KCNB2: variants seen among roughly 807,000 people sequenced by gnomAD.
The protein encoded by KCNB2 is delayed rectifier potassium channel protein.
KCNB2 carries 15 observed loss-of-function variants against 61.5 expected under a neutral mutation model. The observed-to-expected ratio is 0.24, with a 90% CI of 0.16 to 0.38. The LOEUF (loss-of-function observed/expected upper bound fraction) is 0.38. KCNB2 is among the 10% of genes least tolerant of loss of function. The pLI is 1.00. For missense variants in KCNB2, 828 were observed against 1,125.2 expected, an observed-to-expected ratio of 0.74 and a Z score of 3.78; for synonymous variants, 457 against 446.0, an observed-to-expected ratio of 1.02 and a Z score of -0.31.
At chr8:72,624,756 A>G (rs1805763725) in intron 2 of KCNB2, among the ~76,000 whole-genome samples, 1 of 152,164 alleles carries the variant, frequency 6.6e-6, no homozygotes, top group Admixed American at 6.5e-5. Flanking sequence ...GACTTCCTTA[A>G]AAACAACAGA....
At chr8:72,907,280 C>A (rs1208688605) in intron 2 of KCNB2, among the ~76,000 whole-genome samples, 2 of 152,030 alleles carry the variant, frequency 1.3e-5, no homozygotes, top group Non-Finnish European at 2.9e-5. Flanking sequence ...TCACTTGAAC[C>A]CAGGAAGCAG....
chr8:72,873,282 T>A (rs181020122), intron 2 of KCNB2, among the ~76,000 whole-genome samples: 20 of 152,224 alleles, frequency 1.3e-4, no homozygotes, highest in Non-Finnish European at 2.8e-4. Context: ...GGCTGCTTCA[T>A]TGGTGAACGG....
intron 2 of KCNB2, among the ~76,000 whole-genome samples, chr8:72,640,110 T>G (rs1806032528): frequency 6.6e-6 from 1 of 152,036 alleles, no homozygotes. Flanking sequence ...AAGAGGCTTT[T>G]TGGCCTTGTT....
chr8:72,884,642 C>CTTTATA (rs758694939), intron 2 of KCNB2, among the ~76,000 whole-genome samples: 15 of 152,220 alleles, frequency 9.9e-5, no homozygotes, highest in Non-Finnish European at 1.8e-4. Context: ...GGAAATAGGG[C>CTTTATA]TTTATAATTT....
intron 2 of KCNB2, among the ~76,000 whole-genome samples, chr8:72,906,461 C>A (rs1806179463): frequency 6.6e-6 from 1 of 152,134 alleles, no homozygotes; most frequent in Admixed American, 6.5e-5. Flanking sequence ...ATTTCCATTT[C>A]TTTTACAACC....
chr8:72,618,585 T>A (rs1805657379), intron 2 of KCNB2: 1 of 152,438 alleles, frequency 6.6e-6, no homozygotes, highest in Admixed American at 6.5e-5. Flanking sequence ...AAACCATGAT[T>A]TGATCAATTA....
chr8:72,847,616 T>G (rs1284791677), intron 2 of KCNB2, among the ~76,000 whole-genome samples: 1 of 152,236 alleles, frequency 6.6e-6, no homozygotes, highest in East Asian at 1.9e-4. Context: ...TAAAGGATTT[T>G]AATTTCATTT....
intron 2 of KCNB2, among the ~76,000 whole-genome samples, chr8:72,758,470 T>C (rs780385919): frequency 1.3e-5 from 2 of 152,192 alleles, no homozygotes; most frequent in Non-Finnish European, 2.9e-5. Flanking sequence ...TAGATCTAAA[T>C]ATAGCCATGC....
chr8:72,861,264 T>C (rs909859855), intron 2 of KCNB2, among the ~76,000 whole-genome samples: 9 of 152,194 alleles, frequency 5.9e-5, no homozygotes, highest in Non-Finnish European at 1.0e-4. Flanking sequence ...AATTTGCAAA[T>C]TGTGATTTTT....
At chr8:72,750,435 A>G (rs1375741181) in intron 2 of KCNB2, 1 of 152,148 alleles carries the variant, frequency 6.6e-6, no homozygotes, top group Non-Finnish European at 1.5e-5. Flanking sequence ...ATTGTTTTCC[A>G]AAGTGATTAG....
Position 72,937,516 on chromosome 8 carries a change from G to C in KCNB2, c.2161G>C (p.Glu721Gln). 6.2e-7 allele frequency: 1 copy of C among 1,613,840 alleles called. No individual in the cohort carries two copies. Among genetic ancestry groups the C allele is most frequent in the Non-Finnish European group, 8.5e-7 (1 of 1,179,968 alleles). ...CAGATCCCTCAAAGTGAACTTTAAG[G>C]AAAATAGAGGCAGTGCACCACAGAC... ...KSRSLKVNFK[E>Q]NRGSAPQTPP... Residue 721 changes from glutamate (E) to glutamine (Q), a missense_variant, in exon 3 of 3, where the codon GAA (glutamate) becomes CAA (glutamine). Glu to Gln is a conservative substitution (Grantham distance 29). Around this residue, in one of 4 missense-constraint regions of KCNB2, gnomAD observed 559 missense variants for 588.4 expected, o/e 0.95. Coordinates refer to ENST00000523207, the MANE Select transcript of KCNB2 (RefSeq NM_004770.3).
At chr8:72,540,180 T>C (rs776276273) in intron 1 of KCNB2, among the ~76,000 whole-genome samples, 15 of 152,182 alleles carry the variant, frequency 9.9e-5, no homozygotes, top group Non-Finnish European at 2.1e-4. Flanking sequence ...AGGAAACCTA[T>C]AAGATATATT....
chr8:72,631,085 A>G (rs531336946), intron 2 of KCNB2, among the ~76,000 whole-genome samples: 2 of 152,222 alleles, frequency 1.3e-5, no homozygotes, highest in Non-Finnish European at 2.9e-5. Context: ...ATAACTAATA[A>G]TAAAATAAAA....
intron 2 of KCNB2, among the ~76,000 whole-genome samples, chr8:72,645,020 T>C (rs1806108418): frequency 6.6e-6 from 1 of 152,160 alleles, no homozygotes. Context: ...CAGAGTTTCC[T>C]ATACAATCAT....
intron 2 of KCNB2, among the ~76,000 whole-genome samples, chr8:72,610,949 C>T (rs17762546): frequency 0.16 from 23,826 of 152,092 alleles, 2,388 homozygotes; most frequent in Middle Eastern, 0.24. Flanking sequence ...TCAGTAATGA[C>T]CTTTCAGCCT....
chr8:72,538,041 G>A (rs964774834), intron 1 of KCNB2, among the ~76,000 whole-genome samples, 156 bp downstream of exon 1: 1 of 152,162 alleles, frequency 6.6e-6, no homozygotes, highest in African/African-American at 2.4e-5. Context: ...CCCTGAGAGG[G>A]TTTTTAATGT....
chr8:72,902,303 G>C (rs557690060), intron 2 of KCNB2, among the ~76,000 whole-genome samples: 2 of 152,158 alleles, frequency 1.3e-5, no homozygotes, highest in Non-Finnish European at 2.9e-5. Context: ...CCATGATGAA[G>C]AGCCAAAGAT....
intron 2 of KCNB2, among the ~76,000 whole-genome samples, chr8:72,662,727 G>T (rs1251593591): frequency 6.6e-6 from 1 of 152,138 alleles, no homozygotes; most frequent in Non-Finnish European, 1.5e-5. Context: ...CTTGTTCTGT[G>T]TCTGGCCTGC....
intron 2 of KCNB2, among the ~76,000 whole-genome samples, chr8:72,569,071 C>T (rs1306000221): frequency 2.0e-5 from 3 of 152,146 alleles, no homozygotes; most frequent in Admixed American, 1.3e-4. Context: ...GTATGTAATT[C>T]AACTGCGTGA....
Sources: allele counts gnomAD v4.1 joint callset (sites outside exome capture counted in the v4.1 genomes callset), GRCh38; gene constraint gnomAD v4.1.1; regional missense constraint gnomAD v4.1.1; transcripts MANE v1.5; gene names NCBI Gene and HGNC (gene_info 2026-07-23, HGNC 2026-07-21).